DRICH1: variants seen among roughly 807,000 people sequenced by gnomAD.
DRICH1 encodes the protein aspartate-rich protein 1.
DRICH1 carries 38 observed loss-of-function variants against 39.5 expected under a neutral mutation model. The ratio of observed to expected loss-of-function variants is 0.96; its 90% CI spans 0.74 to 1.26. DRICH1 has a LOEUF of 1.26. DRICH1 is among the 50% of genes most tolerant of loss of function. DRICH1 has a pLI of 0.00. For synonymous variants in DRICH1, 84 were observed against 99.5 expected, an observed-to-expected ratio of 0.84 and a Z score of 0.93; for missense variants, 279 against 270.4, an observed-to-expected ratio of 1.03 and a Z score of -0.22.
downstream of DRICH1, chr22:23,607,031 C>T (rs1032920204): frequency 7.2e-5 from 11 of 153,016 alleles, no homozygotes; most frequent in Admixed American, 3.9e-4. Context: ...GTGCCCTTTC[C>T]TGTTGTGCAG....
chr22:23,601,141 C>CGT, the DRICH1 span, among the ~76,000 whole-genome samples: 1,188 of 133,228 alleles, frequency 8.9e-3, 23 homozygotes, highest in African/African-American at 0.028. Context: ...ACCTAACGCA[C>CGT]GCGCGCACAC....
In DRICH1 at chr22:23,608,453, A is replaced by C; in HGVS notation, c.*311T>G. The C allele has an allele frequency of 2.2e-6, 1 of 450,718 alleles. No homozygotes were observed. Among genetic ancestry groups the C allele is most frequent in the Non-Finnish European group, 4.0e-6 (1 of 247,984 alleles). The allele number at this position is 450,718 out of a possible 1,614,324, so 27.9% of individuals were successfully genotyped here. Reference sequence around the variant, plus strand: ...TGATCAGCCACCTCTGCACCTGAATAAATGCACTCAGTCTCTTTATTTCAA... The same window carrying C: ...TGATCAGCCACCTCTGCACCTGAATCAATGCACTCAGTCTCTTTATTTCAA... On this transcript the variant is annotated 3_prime_UTR_variant, in exon 12 of 12. Transcript: ENST00000317749.
the DRICH1 span, among the ~76,000 whole-genome samples, chr22:23,593,605 T>C: frequency 2.8e-4 from 42 of 152,248 alleles, no homozygotes; most frequent in African/African-American, 9.4e-4. Flanking sequence ...TCGAGACCAT[T>C]CTGGTGAACA....
chr22:23,616,398 A>G (rs57117080), intron 8 of DRICH1, among the ~76,000 whole-genome samples: 1,717 of 152,326 alleles, frequency 0.011, 25 homozygotes, highest in African/African-American at 0.039. Flanking sequence ...ATTAAACTCT[A>G]AAAAGAACAA....
At chr22:23,602,991 C>T in the DRICH1 span, among the ~76,000 whole-genome samples, 47 of 151,620 alleles carry the variant, frequency 3.1e-4, no homozygotes, top group Non-Finnish European at 5.7e-4. Context: ...ACTTTTCCCT[C>T]CATGAACACA....
In DRICH1 at chr22:23,622,137, C is replaced by T. The variant is rs138414319; in HGVS notation, c.338G>A (p.Arg113Gln). 6.2e-6 allele frequency: 10 copies of T among 1,614,028 alleles called. No homozygotes were observed. Among genetic ancestry groups the T allele is most frequent in the African/African-American group, 4.0e-5 (3 of 75,000 alleles). The part of the protein sequence containing the change: ...EDNLSLVCLP[R>Q]SEDDDCDDDD... ...ATCATCACAGTCATCATCTTCACTT[C>T]GTGGTAGGCATACTAAACTCAGGTT... Residue 113 changes from arginine (R) to glutamine (Q), a missense_variant, in exon 4 of 12, where the codon CGA becomes CAA. By Grantham distance (43) the Arg-to-Gln change is conservative. Transcript: ENST00000317749.
the DRICH1 span, among the ~76,000 whole-genome samples, chr22:23,586,760 T>C: frequency 2.0e-4 from 31 of 152,212 alleles, no homozygotes; most frequent in Admixed American, 1.4e-3. Flanking sequence ...GGCCAGGCTG[T>C]TCTTGAACTC....
intron 5 of DRICH1, among the ~76,000 whole-genome samples, 189 bp downstream of exon 5, chr22:23,620,405 C>T (rs1235124657): frequency 6.6e-6 from 1 of 152,114 alleles, no homozygotes; most frequent in East Asian, 1.9e-4. Flanking sequence ...CTGGCTCACA[C>T]AAAATCTCCT....
chr22:23,623,666 G>T (rs1007917336), intron 3 of DRICH1, among the ~76,000 whole-genome samples: 1 of 150,772 alleles, frequency 6.6e-6, no homozygotes, highest in African/African-American at 2.4e-5. Context: ...AGACTTTAAT[G>T]AATTTTCATT....
chr22:23,618,869 T>C (rs993753317), intron 6 of DRICH1, among the ~76,000 whole-genome samples: 2 of 152,106 alleles, frequency 1.3e-5, no homozygotes, highest in African/African-American at 4.8e-5. Flanking sequence ...ATACAAAATA[T>C]TGGTATAAGA....
intron 1 of DRICH1, among the ~76,000 whole-genome samples, chr22:23,626,266 T>A (rs1249259582): frequency 6.6e-6 from 1 of 152,120 alleles, no homozygotes; most frequent in Non-Finnish European, 1.5e-5. Flanking sequence ...CATTCCGAAG[T>A]CCCAGAAGAT....
chr22:23,593,839 G>T, the DRICH1 span, among the ~76,000 whole-genome samples: 1 of 151,800 alleles, frequency 6.6e-6, no homozygotes, highest in Admixed American at 6.6e-5. Flanking sequence ...TTAGCCGGGC[G>T]TGGTGGCGCA....
In DRICH1 at chr22:23,613,321, A is replaced by C. The variant is rs1461188654; in HGVS notation, c.653T>G (p.Leu218Arg). Reference sequence around the variant, plus strand: ...AATCTCTTCATCACTTAGACTCTCCAGCGTCAAGTCTTTAGAAACAAAAAC... The same window carrying C: ...AATCTCTTCATCACTTAGACTCTCCCGCGTCAAGTCTTTAGAAACAAAAAC... ...ITARIESDLT[L>R]ESLSDEEIHP... The change falls in exon 11 of 12, where the codon CTG becomes CGG. Residue 218 changes from leucine (L) to arginine (R), a missense_variant. Coordinates refer to ENST00000317749, the MANE Select transcript of DRICH1 (RefSeq NM_016449.4). 6.2e-7 allele frequency: 1 copy of C among 1,613,222 alleles called. No individual in the cohort carries two copies. Among genetic ancestry groups the C allele is most frequent in the African/African-American group, 1.3e-5 (1 of 74,878 alleles).
downstream of DRICH1, among the ~76,000 whole-genome samples, chr22:23,607,850 G>C (rs1306661629): frequency 2.6e-5 from 4 of 152,206 alleles, no homozygotes; most frequent in South Asian, 8.3e-4. Context: ...TCATCCCCAA[G>C]GGGAGCTCCT....
At position 23,632,042 on chromosome 22, in the gene DRICH1, T is replaced by C. The variant is rs377072526; in HGVS notation, c.-19A>G. On this transcript the variant is annotated 5_prime_UTR_variant, in exon 1 of 12. Transcript: ENST00000317749. ...TCCCCATGGGGCCTCTCCATGCCTC[T>C]CCACTCCTGCCTCAGCCTTCAGCGA... 6.2e-7 allele frequency: 1 copy of C among 1,611,858 alleles called. No individual in the cohort carries two copies. The highest frequency in any genetic ancestry group is 8.5e-7 in the Non-Finnish European group (1 of 1,179,570).
chr22:23,628,442 C>G (rs528164834), intron 1 of DRICH1, among the ~76,000 whole-genome samples: 2 of 149,760 alleles, frequency 1.3e-5, no homozygotes, highest in African/African-American at 5.1e-5. Flanking sequence ...TGGCACATGC[C>G]TGTAATTCCA....
intron 1 of DRICH1, among the ~76,000 whole-genome samples, chr22:23,631,427 TAAATA>T (rs1311334620): frequency 1.3e-5 from 2 of 150,470 alleles, no homozygotes; most frequent in African/African-American, 4.9e-5. Flanking sequence ...AATAAATAAA[TAAATA>T]AATAAATAAA....
In DRICH1 at chr22:23,614,445, A is replaced by C. The variant is rs368674975; in HGVS notation, c.542-231T>G. ...GAGGCATCAGGAAGCAACACAAAAC[A>C]ATCACCCCCAAATGTAAGTAAAATG... On this transcript the variant is annotated intron_variant, in intron 8 of 11. Coordinates refer to ENST00000317749, the MANE Select transcript of DRICH1 (RefSeq NM_016449.4). 7.2e-5 allele frequency among the ~76,000 whole-genome samples: 11 copies of C among 152,246 alleles called. 1 individual carries two copies. The East Asian group carries it at 2.1e-3, about 29-fold the overall frequency.
At chr22:23,622,008 A>G (rs1460418270) in intron 4 of DRICH1, 83 bp downstream of exon 4, 2 of 1,298,250 alleles carry the variant, frequency 1.5e-6, no homozygotes, top group African/African-American at 2.9e-5. Context: ...CCCTGAGTCC[A>G]TTCTTTGGGA....
Sources: gnomAD v4.1 joint callset for allele counts (sites outside exome capture counted in the v4.1 genomes callset) on GRCh38, gnomAD v4.1.1 for gene constraint, MANE v1.5 for transcripts, NCBI Gene and HGNC (gene_info 2026-07-23, HGNC 2026-07-21) for gene names.